The following PCLO variants were observed in gnomAD, a reference collection of about 807,000 sequenced individuals.
PCLO encodes the protein piccolo presynaptic cytomatrix protein.
In PCLO, 82 loss-of-function variants were observed where a neutral mutation model predicts 427.5. That is an observed-to-expected ratio of 0.19 (90% confidence interval 0.16 to 0.23). PCLO has a LOEUF of 0.23. Among genes scored for constraint, PCLO ranks in the 10% least tolerant of loss-of-function variants. The probability of loss-of-function intolerance (pLI) is 1.00; values close to 1 mark genes in which losing one functional copy is unlikely to be tolerated. For synonymous variants in PCLO, 2,357 were observed against 2,155.4 expected, an observed-to-expected ratio of 1.09 and a Z score of -2.59; for missense variants, 6,239 against 6,115.9, an observed-to-expected ratio of 1.02 and a Z score of -0.67.
intron 3 of PCLO, among the ~76,000 whole-genome samples, chr7:83,099,590 C>G (rs1790684963): frequency 6.6e-6 from 1 of 151,936 alleles, no homozygotes; most frequent in African/African-American, 2.4e-5. Context: ...AGGGTTTCAT[C>G]ATGTTGGCCA....
chr7:83,093,510 T>TTTTTTTTTTTTTTTTTTTC (rs1790443054), intron 3 of PCLO, among the ~76,000 whole-genome samples: 1 of 119,744 alleles, frequency 8.4e-6, no homozygotes. Flanking sequence ...TTTTTTTTTT[T>TTTTTTTTTTTTTTTTTTTC]GAGATGGAGT....
chr7:82,945,760 A>C (rs1795188018), intron 6 of PCLO, among the ~76,000 whole-genome samples: 1 of 152,212 alleles, frequency 6.6e-6, no homozygotes, highest in African/African-American at 2.4e-5. Flanking sequence ...GGAAAAGAGT[A>C]ATGAATAAGG....
At position 83,084,030 on chromosome 7, in the gene PCLO, T is replaced by G. The variant is rs186094065; in HGVS notation, c.3300+50220A>C. ...GCCCTGTTCAGAGGAAAGATGAAGA[T>G]GAAGGCTGGATGAAGATGTGGGAAT... is the stretch of plus-strand genomic sequence containing the variant. On this transcript the variant is annotated intron_variant, in intron 3 of 24. Transcript: ENST00000333891. Among the ~76,000 whole-genome samples, 19 of 152,230 alleles carry G rather than the reference T, an allele frequency of 1.2e-4. No homozygotes were observed. In the East Asian group the frequency reaches 3.1e-3, roughly 25 times the overall value.
intron 3 of PCLO, among the ~76,000 whole-genome samples, chr7:83,120,866 T>C (rs1330929292): frequency 6.6e-6 from 1 of 152,182 alleles, no homozygotes; most frequent in Non-Finnish European, 1.5e-5. Context: ...AAGAAAAGAA[T>C]GTTAACAAGC....
At chr7:82,775,702 TC>T (rs1790735300) in intron 22 of PCLO, among the ~76,000 whole-genome samples, 1 of 152,192 alleles carries the variant, frequency 6.6e-6, no homozygotes, top group Non-Finnish European at 1.5e-5. Flanking sequence ...CTTTCTCAGA[TC>T]AGAAATGTTG....
In PCLO at chr7:82,916,644, C is replaced by T. The variant is rs866846868; in HGVS notation, c.11342G>A (p.Arg3781Gln). 3 of 1,613,590 alleles carry T rather than the reference C, an allele frequency of 1.9e-6. No homozygotes were observed. The highest frequency in any genetic ancestry group is 1.1e-5 in the South Asian group (1 of 91,082). Residue 3781 changes from arginine (R) to glutamine (Q), a missense_variant, in exon 7 of 25, where the codon CGA becomes CAA. Physicochemically the swap from Arg to Gln is conservative, Grantham distance 43 (BLOSUM62 1). Coordinates refer to ENST00000333891, the MANE Select transcript of PCLO (RefSeq NM_033026.6). ...DLVERESAKL[R>Q]KKQAELDEEE... is the part of the protein sequence containing the mutation. Reference sequence around the variant, plus strand: ...TTCATCAAGCTCTGCTTGTTTCTTTCGAAGTTTTGCAGACTCCCTTTCCAC... The same window carrying T: ...TTCATCAAGCTCTGCTTGTTTCTTTTGAAGTTTTGCAGACTCCCTTTCCAC...
At position 83,135,089 on chromosome 7, in the gene PCLO, T is replaced by C. The variant is rs1184708926; in HGVS notation, c.2461A>G (p.Ile821Val). The C allele has an allele frequency of 1.2e-6, 2 of 1,613,998 alleles. No individual in the cohort carries two copies. The highest frequency in any genetic ancestry group is 1.1e-5 in the South Asian group (1 of 91,086). ...TTTGAATCTGATGCAGGTCGAGGTA[T>C]GGCTTTAGAATCAAATGGGCTGACT... ...EKVSPFDSKAIPRPASDSKII... is the reference protein window; with the variant it reads ...EKVSPFDSKAVPRPASDSKII... The change falls in exon 3 of 25, where the codon ATA becomes GTA. Residue 821 changes from isoleucine to valine, a missense_variant. Around this residue, in one of 5 missense-constraint regions of PCLO, gnomAD observed 4,677 missense variants for 4,468.4 expected, o/e 1.05. Transcript: ENST00000333891.
chr7:82,775,676 A>T (rs563416085), intron 22 of PCLO, among the ~76,000 whole-genome samples: 17 of 152,024 alleles, frequency 1.1e-4, no homozygotes, highest in South Asian at 4.1e-4. Context: ...TTACAGTTTT[A>T]TTCTTTTGAC....
At chr7:82,967,175 A>G (rs1795795389) in intron 3 of PCLO, among the ~76,000 whole-genome samples, 1 of 151,104 alleles carries the variant, frequency 6.6e-6, no homozygotes, top group Non-Finnish European at 1.5e-5. Context: ...TTTGCTGACT[A>G]AAACATTTTC....
intron 1 of PCLO, 62 bp downstream of exon 1, chr7:83,162,283 G>GC: frequency 6.7e-7 from 1 of 1,503,016 alleles, no homozygotes; most frequent in South Asian, 1.3e-5. Flanking sequence ...ATACAGGCTG[G>GC]CACATATGTG....
rs762649130 is a variant in PCLO at position 82,915,866 on chromosome 7, G to T, written c.12120C>A (p.His4040Gln). The change falls in exon 7 of 25, where the codon CAC becomes CAA. Residue 4040 changes from histidine to glutamine, a missense_variant. His to Gln is a conservative substitution (Grantham distance 24). Coordinates refer to ENST00000333891, the MANE Select transcript of PCLO (RefSeq NM_033026.6). Reference protein sequence around the residue: ...SADSFYADIDHHTPRNYVLID... With the variant: ...SADSFYADIDQHTPRNYVLID... ...TTAGGACATAATTTCGTGGAGTATG[G>T]TGATCAATATCTGCATAGAAAGAAT... The T allele has an allele frequency of 5.6e-6, 9 of 1,613,400 alleles. No homozygotes were observed. In the African/African-American group the frequency reaches 1.1e-4, roughly 19 times the overall value.
At chr7:82,892,364 G>T (rs892132256) in intron 9 of PCLO, among the ~76,000 whole-genome samples, 1 of 152,078 alleles carries the variant, frequency 6.6e-6, no homozygotes. Flanking sequence ...TGGGAAAACT[G>T]GCTAGCCATA....
intron 6 of PCLO, among the ~76,000 whole-genome samples, chr7:82,947,486 C>A (rs1044307316): frequency 2.0e-5 from 3 of 152,102 alleles, no homozygotes; most frequent in Non-Finnish European, 4.4e-5. Context: ...AAAATAGACT[C>A]AAAGTATGTC....
At position 82,972,096 on chromosome 7, in the gene PCLO, T is replaced by G. The variant is rs373045935; in HGVS notation, c.3301-5609A>C. ...AAAATTCATCTCTAAGTAGGAAACA[T>G]TCTGACAAGTAGAATATGTAAAATA... On this transcript the variant is annotated intron_variant, in intron 3 of 24. Coordinates refer to ENST00000333891, the MANE Select transcript of PCLO (RefSeq NM_033026.6). Among the ~76,000 whole-genome samples, 4 of 152,072 alleles carry G rather than the reference T, an allele frequency of 2.6e-5. No homozygotes were observed. The East Asian group carries it at 5.8e-4, about 22-fold the overall frequency.
chr7:83,068,186 A>G (rs896365013), intron 3 of PCLO, among the ~76,000 whole-genome samples: 2 of 152,188 alleles, frequency 1.3e-5, no homozygotes, highest in East Asian at 1.9e-4. Context: ...AGGCTGAAAC[A>G]TAAGAGTTCT....
At chr7:82,856,038 A>C (rs1202762035) in intron 10 of PCLO, among the ~76,000 whole-genome samples, 2 of 152,084 alleles carry the variant, frequency 1.3e-5, no homozygotes, top group Non-Finnish European at 2.9e-5. Flanking sequence ...TAAGGGAGCT[A>C]CTCATTATCA....
At position 83,155,490 on chromosome 7, in the gene PCLO, T is replaced by C. The variant is rs758990059; in HGVS notation, c.1151A>G (p.Glu384Gly). 1 of 1,612,870 alleles carries C rather than the reference T, an allele frequency of 6.2e-7. No homozygotes were observed. Among genetic ancestry groups the C allele is most frequent in the Non-Finnish European group, 8.5e-7 (1 of 1,179,366 alleles). Reference protein sequence around the residue: ...QQTGSEKPSSEQPGPKALAQP... With the variant: ...QQTGSEKPSSGQPGPKALAQP... ...AGCTAAAGCCTTTGGCCCAGGCTGCTCCGATGAAGGCTTCTCTGACCCAGT... is the reference window on the plus strand; with the variant it reads ...AGCTAAAGCCTTTGGCCCAGGCTGCCCCGATGAAGGCTTCTCTGACCCAGT... Residue 384 changes from glutamate to glycine, a missense_variant, in exon 2 of 25, where the codon GAG becomes GGG. Transcript: ENST00000333891.
chr7:82,920,901 T>C lies in PCLO; in HGVS notation c.11113-4028A>G, dbSNP rs375608884. On this transcript the variant is annotated intron_variant, in intron 6 of 24. Coordinates refer to ENST00000333891, the MANE Select transcript of PCLO (RefSeq NM_033026.6). The stretch of plus-strand genomic sequence containing the variant: ...AACTAAAAATACACAGGGGCTATTG[T>C]TTAAAGTCCTAGATGCTAGACCAAA... Among the ~76,000 whole-genome samples the C allele has an allele frequency of 1.1e-4, 16 of 151,882 alleles. No homozygotes were observed. The East Asian group carries it at 1.9e-3, about 18-fold the overall frequency.
intron 3 of PCLO, among the ~76,000 whole-genome samples, chr7:83,078,548 T>C (rs1364194546): frequency 4.1e-5 from 6 of 145,484 alleles, no homozygotes; most frequent in Non-Finnish European, 8.8e-5. Context: ...ATTATTATTA[T>C]TGAGACGGAG....
Sources: gnomAD v4.1 joint callset for allele counts (sites outside exome capture counted in the v4.1 genomes callset) on GRCh38, gnomAD v4.1.1 for gene constraint, gnomAD v4.1.1 regional missense constraint, MANE v1.5 for transcripts, NCBI Gene and HGNC (gene_info 2026-07-23, HGNC 2026-07-21) for gene names.